The following CNGA3 variants were observed in gnomAD, a reference collection of about 807,000 sequenced individuals.
CNGA3 encodes the protein cyclic nucleotide gated channel subunit alpha 3.
Under a neutral mutation model 46.6 loss-of-function variants are expected in CNGA3, and 42 were observed. The observed-to-expected ratio is 0.90, with a 90% CI of 0.70 to 1.17. The LOEUF is 1.17. Ranked by LOEUF, CNGA3 falls within the 50% of genes most tolerant of loss-of-function variation. The pLI is 0.00. For missense variants in CNGA3, 893 were observed against 890.7 expected (o/e 1.00, Z -0.03); for synonymous variants, 394 against 369.4 (o/e 1.07, Z -0.76).
chr2:98,354,149 G>T (rs754993145), intron 1 of CNGA3, among the ~76,000 whole-genome samples: 2 of 152,166 alleles, frequency 1.3e-5, no homozygotes, highest in Non-Finnish European at 2.9e-5. Context: ...ACCTAATACA[G>T]TGTAAATGCT....
chr2:98,392,156 G>A (rs1489864217), intron 7 of CNGA3, among the ~76,000 whole-genome samples, 186 bp downstream of exon 7: 7 of 152,226 alleles, frequency 4.6e-5, no homozygotes, highest in Admixed American at 6.5e-5. Flanking sequence ...TGGACAGGAC[G>A]CTGAGCAGGG....
At chr2:98,379,867 A>G in intron 3 of CNGA3, 1 of 471,124 alleles carries the variant, frequency 2.1e-6, no homozygotes, top group Non-Finnish European at 3.9e-6. Flanking sequence ...CATTTGAAGG[A>G]TCATGCCTTA....
intron 1 of CNGA3, among the ~76,000 whole-genome samples, chr2:98,349,274 A>T (rs1038052118): frequency 6.6e-6 from 1 of 152,120 alleles, no homozygotes; most frequent in Non-Finnish European, 1.5e-5. Flanking sequence ...GGCAAAAAAA[A>T]AACCAAATGT....
At chr2:98,356,222 T>G (rs1691876772) in intron 1 of CNGA3, among the ~76,000 whole-genome samples, 1 of 152,144 alleles carries the variant, frequency 6.6e-6, no homozygotes, top group Non-Finnish European at 1.5e-5. Flanking sequence ...GGAGTTTAAT[T>G]TGATGAAGCG....
At chr2:98,392,173 A>T (rs1338716554) in intron 7 of CNGA3, among the ~76,000 whole-genome samples, 1 of 152,206 alleles carries the variant, frequency 6.6e-6, no homozygotes, top group African/African-American at 2.4e-5. Context: ...AGGGGCCAGG[A>T]CACCTAAGCT....
At chr2:98,382,477 G>A (rs993053878) in intron 4 of CNGA3, among the ~76,000 whole-genome samples, 8 of 152,174 alleles carry the variant, frequency 5.3e-5, no homozygotes, top group Non-Finnish European at 7.4e-5. Flanking sequence ...TGGGCAGGAT[G>A]AGCTGAAGTC....
chr2:98,391,501 AT>A lies in CNGA3; in HGVS notation c.567-358del, dbSNP rs570843341. On this transcript the variant is annotated intron_variant, in intron 6 of 7. Coordinates refer to ENST00000272602, the MANE Select transcript of CNGA3 (RefSeq NM_001298.3). ...TTGTTAATCTCTCGGAAATTCTCCTATTTTTGTTGAACTTTGACCCCAGAAA... is the reference window on the plus strand; with the variant it reads ...TTGTTAATCTCTCGGAAATTCTCCTATTTTGTTGAACTTTGACCCCAGAAA... Among the ~76,000 whole-genome samples, 8 of 152,282 alleles carry A rather than the reference AT, an allele frequency of 5.3e-5. 1 individual carries two copies. In the East Asian group the frequency reaches 9.6e-4, roughly 18 times the overall value.
chr2:98,380,070 G>A, intron 3 of CNGA3, 105 bp from the exon 4 acceptor site: 1 of 1,350,652 alleles, frequency 7.4e-7, no homozygotes, highest in Non-Finnish European at 1.0e-6. Flanking sequence ...CATCCCTTGA[G>A]ACAGACAGAG....
chr2:98,381,147 G>A (rs569127036), intron 4 of CNGA3, among the ~76,000 whole-genome samples: 3 of 152,262 alleles, frequency 2.0e-5, no homozygotes, highest in African/African-American at 7.2e-5. Context: ...GCCAGCACAG[G>A]TTGAATCAAT....
rs115715221 is a variant in CNGA3 at position 98,393,307 on chromosome 2, C to T, written c.673+1337C>T. On this transcript the variant is annotated intron_variant, in intron 7 of 7. Coordinates refer to ENST00000272602, the MANE Select transcript of CNGA3 (RefSeq NM_001298.3). ...CCAGCAGATCACAGTAGCCGACCTC[C>T]GTGTGGCTCCACGTACAATACATTT... Among the ~76,000 whole-genome samples, 312 of 152,296 alleles carry T rather than the reference C, an allele frequency of 2.0e-3. 2 individuals are homozygous for T. Among genetic ancestry groups the T allele is most frequent in the African/African-American group, 7.2e-3 (301 of 41,562 alleles).
intron 1 of CNGA3, among the ~76,000 whole-genome samples, chr2:98,364,755 GT>G (rs1219404276): frequency 3.3e-5 from 5 of 152,170 alleles, no homozygotes; most frequent in Non-Finnish European, 7.4e-5. Flanking sequence ...GCTGATAACA[GT>G]TTTTCCTTTC....
chr2:98,366,207 C>T (rs1263210012), intron 1 of CNGA3, among the ~76,000 whole-genome samples: 1 of 152,178 alleles, frequency 6.6e-6, no homozygotes, highest in East Asian at 1.9e-4. Flanking sequence ...CACCTGGATC[C>T]CTCCTGCCCC....
intron 4 of CNGA3, among the ~76,000 whole-genome samples, chr2:98,381,522 G>T (rs1327049258): frequency 6.6e-6 from 1 of 152,064 alleles, no homozygotes; most frequent in Non-Finnish European, 1.5e-5. Context: ...TTTGTATGGG[G>T]AGTGGCAGTG....
In CNGA3 at chr2:98,347,217, G is replaced by T. The variant is rs1007815266; in HGVS notation, c.-38+683G>T. ...GAGGCGAGAATTAAAATTCTTTTAG[G>T]AGTGCGCGGTTACTTTTTTTAATGA... On this transcript the variant is annotated intron_variant, in intron 1 of 7. Coordinates refer to ENST00000272602, the MANE Select transcript of CNGA3 (RefSeq NM_001298.3). 25 of 152,342 alleles carry T rather than the reference G, an allele frequency of 1.6e-4. 1 individual carries two copies. The highest frequency in any genetic ancestry group is 6.0e-4 in the African/African-American group (25 of 41,580). 9.4% of individuals were successfully genotyped at this position (152,342 alleles called of 1,614,324 possible). A position where few individuals can be genotyped will look rare whatever the true frequency, so the allele number is the denominator to read the frequency against.
chr2:98,395,630 T>TA (rs199527709), intron 7 of CNGA3, among the ~76,000 whole-genome samples: 7 of 152,190 alleles, frequency 4.6e-5, no homozygotes, highest in Non-Finnish European at 4.4e-5. Context: ...ACCTATGTTT[T>TA]AAAAAAATTC....
chr2:98,352,181 T>C (rs1027508389), intron 1 of CNGA3, among the ~76,000 whole-genome samples: 4 of 152,234 alleles, frequency 2.6e-5, no homozygotes, highest in African/African-American at 9.6e-5. Flanking sequence ...TGTTGTAGCA[T>C]GTATCACTGT....
Position 98,383,432 on chromosome 2 carries a change from CGGA to C in CNGA3, c.448_449+1del, listed in dbSNP as rs762260211. On this transcript the variant is annotated inframe_deletion, in exon 5 of 8. Coordinates refer to ENST00000272602, the MANE Select transcript of CNGA3 (RefSeq NM_001298.3). ...TGCAACACTAACACCAGCAACAACA[CGGA>C]GGAGGAGTAAGTACCCACACACCCA... 1.2e-6 allele frequency: 2 copies of C among 1,614,202 alleles called. No individual in the cohort carries two copies. The highest frequency in any genetic ancestry group is 1.7e-6 in the Non-Finnish European group (2 of 1,180,034).
chr2:98,391,190 C>T (rs542839627), intron 6 of CNGA3, among the ~76,000 whole-genome samples: 42 of 152,176 alleles, frequency 2.8e-4, no homozygotes, highest in Non-Finnish European at 5.6e-4. Context: ...GGAGGGATTG[C>T]GGGGCAGGTG....
chr2:98,390,260 C>T (rs552743745), intron 6 of CNGA3, among the ~76,000 whole-genome samples: 24 of 151,974 alleles, frequency 1.6e-4, no homozygotes, highest in Admixed American at 7.2e-4. Flanking sequence ...CTCAGCCACC[C>T]GAGTAGCTGT....
Sources: allele counts gnomAD v4.1 joint callset (sites outside exome capture counted in the v4.1 genomes callset), GRCh38; gene constraint gnomAD v4.1.1; transcripts MANE v1.5; gene names NCBI Gene and HGNC (gene_info 2026-07-23, HGNC 2026-07-21).